PAK4: variants seen among roughly 807,000 people sequenced by gnomAD.
PAK4 encodes the protein serine/threonine-protein kinase PAK 4.
A neutral mutation model predicts 53.5 loss-of-function variants in PAK4; 49 were observed. The observed-to-expected ratio is 0.92, with a 90% CI of 0.73 to 1.16. The LOEUF is 1.16. Among genes scored for constraint, PAK4 ranks in the 50% most tolerant of loss-of-function variants. The pLI, the probability that PAK4 is intolerant of heterozygous loss-of-function variation, is 0.00. For missense variants in PAK4, 824 were observed against 850.7 expected (o/e 0.97, Z 0.39); for synonymous variants, 376 against 375.6 (o/e 1.00, Z -0.01).
At chr19:39,147,841 G>GTTTTTTTTTTTTTT (rs35845376) in intron 1 of PAK4, among the ~76,000 whole-genome samples, 2 of 13,234 alleles carry the variant, frequency 1.5e-4, no homozygotes, top group African/African-American at 3.4e-4. Flanking sequence ...TTGTTTTCGG[G>GTTTTTTTTTTTTTT]TTTTTTTTTT....
At position 39,134,622 on chromosome 19, in the gene PAK4, C is replaced by T. The variant is rs143006461; in HGVS notation, c.-23+8703C>T. ...TAATATTCTTTTTTTTTCTTTGACA[C>T]AGAGTCTCGCTCTGTCACCCAGGCT... On this transcript the variant is annotated intron_variant, in intron 1 of 8. Coordinates refer to ENST00000358301, the Ensembl canonical transcript of PAK4. Among the ~76,000 whole-genome samples, 23 of 151,852 alleles carry T rather than the reference C, an allele frequency of 1.5e-4. No homozygotes were observed. The East Asian group carries it at 4.4e-3, about 29-fold the overall frequency.
In PAK4 at chr19:39,164,133, C is replaced by T. The variant is rs188235855; in HGVS notation, c.-22-5399C>T. 8.6e-5 allele frequency among the ~76,000 whole-genome samples: 13 copies of T among 151,930 alleles called. No individual in the cohort carries two copies. In the East Asian group the frequency reaches 1.5e-3, roughly 18 times the overall value. ...CTCTACTAAGAATACATAAATTAGCCGGGTATGGTGGCGGACGCCTGTAAT... is the reference window on the plus strand; with the variant it reads ...CTCTACTAAGAATACATAAATTAGCTGGGTATGGTGGCGGACGCCTGTAAT... On this transcript the variant is annotated intron_variant, in intron 1 of 8. Transcript: ENST00000358301.
At chr19:39,148,413 G>A (rs1348424629) in intron 1 of PAK4, among the ~76,000 whole-genome samples, 2 of 142,472 alleles carry the variant, frequency 1.4e-5, no homozygotes, top group African/African-American at 5.2e-5. Flanking sequence ...TGCATTTGCT[G>A]TCAAGTCTCA....
intron 1 of PAK4, among the ~76,000 whole-genome samples, chr19:39,155,271 G>A (rs1183799113): frequency 1.3e-5 from 2 of 152,184 alleles, no homozygotes; most frequent in East Asian, 3.9e-4. Flanking sequence ...TTTGTTCAGT[G>A]CTGAACTATC....
chr19:39,171,714 G>A lies in PAK4; in HGVS notation c.205-1204G>A, dbSNP rs975891079. 8.5e-5 allele frequency among the ~76,000 whole-genome samples: 13 copies of A among 152,186 alleles called. 1 individual carries two copies. The highest frequency in any genetic ancestry group is 6.5e-4 in the Admixed American group (10 of 15,278). On this transcript the variant is annotated intron_variant, in intron 2 of 8. Transcript: ENST00000358301. ...CAGCCCCAGGCAGGGTCCGGGTTTC[G>A]TGGGATCAGTGTTTTCCACACATTA...
downstream of PAK4, chr19:39,182,643 C>A (rs2074709366): frequency 6.6e-6 from 1 of 151,664 alleles, no homozygotes; most frequent in African/African-American, 2.4e-5. Context: ...CAAAGTGAGA[C>A]CCTGTCTCTA....
intron 1 of PAK4, among the ~76,000 whole-genome samples, chr19:39,128,063 G>A (rs573188160): frequency 6.6e-6 from 1 of 152,290 alleles, no homozygotes; most frequent in South Asian, 2.1e-4. Flanking sequence ...CCTTGATGGA[G>A]CGTGATTCAG....
intron 1 of PAK4, among the ~76,000 whole-genome samples, chr19:39,162,387 C>G (rs934427927): frequency 7.2e-5 from 11 of 152,208 alleles, no homozygotes; most frequent in African/African-American, 2.2e-4. Flanking sequence ...TCCTCAGTAG[C>G]TGGGACCACA....
At chr19:39,170,393 T>TCC (rs1273528134) in intron 2 of PAK4, among the ~76,000 whole-genome samples, 14 of 151,726 alleles carry the variant, frequency 9.2e-5, no homozygotes, top group African/African-American at 3.4e-4. Context: ...TAGAGCAAAA[T>TCC]GGCAAGGTTG....
chr19:39,137,834 T>C (rs1229792943), intron 1 of PAK4, among the ~76,000 whole-genome samples: 1 of 151,892 alleles, frequency 6.6e-6, no homozygotes, highest in Non-Finnish European at 1.5e-5. Context: ...GCCTGGCTAA[T>C]TTTTTGTGTT....
chr19:39,143,869 G>A (rs1468503932), intron 1 of PAK4, among the ~76,000 whole-genome samples: 1 of 149,064 alleles, frequency 6.7e-6, no homozygotes. Flanking sequence ...CTACTCAGGA[G>A]GCTGAGGTGG....
chr19:39,127,206 TCTTAAAACC>T (rs770288634), intron 1 of PAK4, among the ~76,000 whole-genome samples: 115 of 151,892 alleles, frequency 7.6e-4, no homozygotes, highest in Non-Finnish European at 1.1e-3. Context: ...TGTTCACTGT[TCTTAAAACC>T]CTAAGCTCTC....
chr19:39,174,716 G>T (rs1327324670), intron 4 of PAK4, among the ~76,000 whole-genome samples: 1 of 152,176 alleles, frequency 6.6e-6, no homozygotes. Context: ...AGATGGGCGT[G>T]TGCCCAGGGG....
intron 1 of PAK4, among the ~76,000 whole-genome samples, chr19:39,165,192 G>GATAATAATAATAAATAATA (rs74176492): frequency 7.7e-6 from 1 of 130,472 alleles, no homozygotes; most frequent in Non-Finnish European, 1.6e-5. Context: ...TGATGATGAT[G>GATAATAATAATAAATAATA]ATGATAATAA....
At chr19:39,181,010 C>T (rs1474587893), downstream of PAK4, 5 of 152,268 alleles carry the variant, frequency 3.3e-5, no homozygotes, top group East Asian at 1.9e-4. Flanking sequence ...CTCCCTCGCC[C>T]AGCCACATCT....
intron 1 of PAK4, among the ~76,000 whole-genome samples, chr19:39,150,505 C>T (rs79685854): frequency 0.014 from 2,119 of 152,166 alleles, 29 homozygotes; most frequent in African/African-American, 0.035. Context: ...CACAGTTGCC[C>T]AAACAGCGCT....
chr19:39,172,241 G>C (rs2074495013), intron 2 of PAK4, among the ~76,000 whole-genome samples: 1 of 151,836 alleles, frequency 6.6e-6, no homozygotes, highest in Non-Finnish European at 1.5e-5. Flanking sequence ...GGGTGGGGGA[G>C]ACACCCGTGT....
intron 1 of PAK4, among the ~76,000 whole-genome samples, chr19:39,130,730 G>A (rs576188608): frequency 2.0e-5 from 3 of 152,062 alleles, no homozygotes; most frequent in South Asian, 2.1e-4. Context: ...GGGGTCAGAG[G>A]CTTGGAGGCG....
At chr19:39,166,305 G>A (rs2074374708) in intron 1 of PAK4, among the ~76,000 whole-genome samples, 1 of 152,214 alleles carries the variant, frequency 6.6e-6, no homozygotes, top group South Asian at 2.1e-4. Flanking sequence ...TTAGCTGGGC[G>A]TGGTGGCAGG....
Sources: allele counts gnomAD v4.1 joint callset (sites outside exome capture counted in the v4.1 genomes callset), GRCh38; gene constraint gnomAD v4.1.1; transcripts MANE v1.5; gene names NCBI Gene and HGNC (gene_info 2026-07-23, HGNC 2026-07-21).